The following TMEM184B variants were observed in gnomAD, a reference collection of about 807,000 sequenced individuals.
The protein encoded by TMEM184B is transmembrane protein 184B, also known as putative MAPK-activating protein FM08.
Under a neutral mutation model 41.8 loss-of-function variants are expected in TMEM184B, and 17 were observed. That is an observed-to-expected ratio of 0.41 (90% CI 0.28 to 0.61). The LOEUF (loss-of-function observed/expected upper bound fraction) is 0.61. Among genes scored for constraint, TMEM184B ranks in the 20% least tolerant of loss-of-function variants. The pLI is 0.34. For missense variants in TMEM184B, 393 were observed against 557.8 expected, an observed-to-expected ratio of 0.70 and a Z score of 2.98; for synonymous variants, 240 against 229.5, an observed-to-expected ratio of 1.05 and a Z score of -0.41.
chr22:38,222,723 A>G, intron 8 of TMEM184B: 1 of 985,470 alleles, frequency 1.0e-6, no homozygotes, highest in Non-Finnish European at 1.2e-6. Context: ...GAAGCCAAAG[A>G]AATAGAGAAG....
chr22:38,259,639 A>C (rs945861290), intron 1 of TMEM184B, among the ~76,000 whole-genome samples: 1 of 152,278 alleles, frequency 6.6e-6, no homozygotes, highest in Admixed American at 6.5e-5. Context: ...CAGAGCCTCC[A>C]GAAGGAGTAT....
chr22:38,230,802 C>T, intron 4 of TMEM184B, 58 bp from the exon 5 acceptor site: 1 of 1,549,674 alleles, frequency 6.5e-7, no homozygotes, highest in Admixed American at 1.9e-5. Context: ...GACTTGGGAA[C>T]AGTGGGGTGG....
chr22:38,232,821 C>T (rs1178663261), intron 3 of TMEM184B, among the ~76,000 whole-genome samples: 1 of 152,198 alleles, frequency 6.6e-6, no homozygotes, highest in Non-Finnish European at 1.5e-5. Context: ...TCTTATCCTT[C>T]GGTGCTTCTG....
chr22:38,250,527 G>T (rs939394401), intron 1 of TMEM184B, among the ~76,000 whole-genome samples: 2 of 152,230 alleles, frequency 1.3e-5, no homozygotes, highest in Admixed American at 1.3e-4. Flanking sequence ...TGTAAGTATG[G>T]TTGCAAAACT....
chr22:38,221,855 G>T, intron 8 of TMEM184B, 145 bp from the exon 9 acceptor site: 1 of 1,208,228 alleles, frequency 8.3e-7, no homozygotes, highest in Non-Finnish European at 1.1e-6. Context: ...CAGAGAATGG[G>T]GTCCAGGATA....
At chr22:38,251,744 G>A (rs556795661) in intron 1 of TMEM184B, among the ~76,000 whole-genome samples, 1 of 152,304 alleles carries the variant, frequency 6.6e-6, no homozygotes, top group East Asian at 1.9e-4. Context: ...GGGGAAGCAG[G>A]GGCAATGCCA....
chr22:38,231,802 G>C, intron 3 of TMEM184B: 1 of 346,844 alleles, frequency 2.9e-6, no homozygotes, highest in South Asian at 2.3e-5. Flanking sequence ...CTGGGCTGTA[G>C]TGTGCTACAC....
chr22:38,251,911 T>TTTTTTA (rs57083004), intron 1 of TMEM184B, among the ~76,000 whole-genome samples: 1 of 151,570 alleles, frequency 6.6e-6, no homozygotes, highest in African/African-American at 2.4e-5. Flanking sequence ...TTTTTTTTTT[T>TTTTTTA]GAGACAAGAG....
chr22:38,233,772 T>C (rs867476567), intron 3 of TMEM184B, among the ~76,000 whole-genome samples: 1 of 152,110 alleles, frequency 6.6e-6, no homozygotes, highest in Non-Finnish European at 1.5e-5. Flanking sequence ...TTTTGTTTTT[T>C]GTTTTTGCTT....
At chr22:38,255,172 C>T (rs541111603) in intron 1 of TMEM184B, among the ~76,000 whole-genome samples, 1 of 152,262 alleles carries the variant, frequency 6.6e-6, no homozygotes, top group South Asian at 2.1e-4. Flanking sequence ...ATTATAGGCG[C>T]GTGTCACCAT....
intron 3 of TMEM184B, among the ~76,000 whole-genome samples, chr22:38,233,829 G>A (rs2091700047): frequency 6.6e-6 from 1 of 152,116 alleles, no homozygotes; most frequent in African/African-American, 2.4e-5. Flanking sequence ...GAGTGCAGTG[G>A]CACGATCTTG....
At chr22:38,236,968 G>A (rs141365012) in intron 3 of TMEM184B, among the ~76,000 whole-genome samples, 15 of 152,198 alleles carry the variant, frequency 9.9e-5, no homozygotes, top group African/African-American at 3.6e-4. Flanking sequence ...TGTTATTCCT[G>A]TTTGTCGCCC....
chr22:38,270,119 G>A (rs1400845659), intron 1 of TMEM184B, among the ~76,000 whole-genome samples: 1 of 152,198 alleles, frequency 6.6e-6, no homozygotes, highest in African/African-American at 2.4e-5. Flanking sequence ...TCAAGCCTCT[G>A]CGTCTGAGAG....
At chr22:38,268,135 C>A (rs528574313) in intron 1 of TMEM184B, among the ~76,000 whole-genome samples, 10 of 152,308 alleles carry the variant, frequency 6.6e-5, no homozygotes, top group African/African-American at 2.4e-4. Flanking sequence ...GTAATCCCAA[C>A]ACTTTGGGAG....
At chr22:38,241,670 A>G (rs2092076) in intron 3 of TMEM184B, among the ~76,000 whole-genome samples, 88,075 of 151,756 alleles carry the variant, frequency 0.58, 27,444 homozygotes, top group African/African-American at 0.82. Flanking sequence ...GGATCACAAG[A>G]TCAGGAGATC....
chr22:38,232,294 TG>T (rs1380536789), intron 3 of TMEM184B: 1 of 152,212 alleles, frequency 6.6e-6, no homozygotes, highest in Non-Finnish European at 1.5e-5. Flanking sequence ...ACCCAAAATT[TG>T]CCACCGGGAG....
intron 3 of TMEM184B, among the ~76,000 whole-genome samples, chr22:38,232,435 C>T (rs1182119578): frequency 1.3e-5 from 2 of 152,082 alleles, no homozygotes. Flanking sequence ...GTGCTAGAGG[C>T]AAATGGACAT....
intron 3 of TMEM184B, among the ~76,000 whole-genome samples, chr22:38,243,729 G>T (rs76670409): frequency 6.6e-6 from 1 of 152,138 alleles, no homozygotes; most frequent in African/African-American, 2.4e-5. Context: ...GGATGTTACT[G>T]AGGCCCCACA....
chr22:38,222,027 G>A (rs1397311039), intron 8 of TMEM184B: 2 of 398,154 alleles, frequency 5.0e-6, no homozygotes, highest in Admixed American at 4.0e-5. Flanking sequence ...AGCCTAGAAT[G>A]CCCCAGAGAG....
Sources: gnomAD v4.1 joint callset for allele counts (sites outside exome capture counted in the v4.1 genomes callset) on GRCh38, gnomAD v4.1.1 for gene constraint, MANE v1.5 for transcripts, NCBI Gene and HGNC (gene_info 2026-07-23, HGNC 2026-07-21) for gene names.